The following PLEKHG1 variants were observed in gnomAD, a reference collection of about 807,000 sequenced individuals.
PLEKHG1 encodes pleckstrin homology and RhoGEF domain containing G1.
A neutral mutation model predicts 100.8 loss-of-function variants in PLEKHG1; 44 were observed. The observed-to-expected ratio is 0.44, with a 90% CI of 0.34 to 0.56. The LOEUF is 0.56. Ranked by LOEUF, PLEKHG1 falls within the 20% of genes least tolerant of loss-of-function variation. PLEKHG1 has a pLI of 0.01. For synonymous variants in PLEKHG1, 640 were observed against 662.5 expected, an observed-to-expected ratio of 0.97 and a Z score of 0.52; for missense variants, 1,545 against 1,720.9, an observed-to-expected ratio of 0.90 and a Z score of 1.81.
At chr6:150,757,035 G>C (rs558862716) in intron 2 of PLEKHG1, among the ~76,000 whole-genome samples, 85 of 152,288 alleles carry the variant, frequency 5.6e-4, no homozygotes, top group African/African-American at 2.0e-3. Flanking sequence ...TTAAGATGGA[G>C]TCTCGCTCTG....
chr6:150,695,695 C>T (rs1780516143), intron 3 of PLEKHG1, among the ~76,000 whole-genome samples: 1 of 152,172 alleles, frequency 6.6e-6, no homozygotes, highest in African/African-American at 2.4e-5. Flanking sequence ...CAAATATGCA[C>T]ACCAAAAAAG....
chr6:150,673,078 A>G (rs904219162), intron 3 of PLEKHG1, among the ~76,000 whole-genome samples: 3 of 152,306 alleles, frequency 2.0e-5, no homozygotes, highest in Admixed American at 2.0e-4. Context: ...AAGCAAGACT[A>G]TTTGATGTTC....
At chr6:150,730,396 C>T (rs1782185298) in intron 1 of PLEKHG1, among the ~76,000 whole-genome samples, 1 of 152,048 alleles carries the variant, frequency 6.6e-6, no homozygotes, top group African/African-American at 2.4e-5. Flanking sequence ...CTCGGATCAT[C>T]AGGAATTAGA....
intron 2 of PLEKHG1, among the ~76,000 whole-genome samples, chr6:150,734,785 G>T (rs1415779467): frequency 2.0e-5 from 3 of 152,102 alleles, no homozygotes; most frequent in South Asian, 2.1e-4. Context: ...TTATTATTAT[G>T]ATTATAAATT....
chr6:150,700,616 G>A (rs78572981), intron 3 of PLEKHG1, among the ~76,000 whole-genome samples: 8 of 152,194 alleles, frequency 5.3e-5, no homozygotes, highest in African/African-American at 1.9e-4. Context: ...CTGTACATCT[G>A]TGATATAAAC....
intron 2 of PLEKHG1, among the ~76,000 whole-genome samples, chr6:150,647,462 G>A (rs1480343148): frequency 6.6e-6 from 1 of 152,104 alleles, no homozygotes. Flanking sequence ...AATCAACCCT[G>A]ACATTTTATT....
At chr6:150,762,094 G>C (rs968136964) in intron 2 of PLEKHG1, among the ~76,000 whole-genome samples, 5 of 152,148 alleles carry the variant, frequency 3.3e-5, no homozygotes, top group Non-Finnish European at 7.4e-5. Flanking sequence ...CTTTTACTCA[G>C]GCATCTCAGA....
chr6:150,746,103 A>G (rs1248552567), intron 2 of PLEKHG1, among the ~76,000 whole-genome samples: 1 of 152,162 alleles, frequency 6.6e-6, no homozygotes, highest in East Asian at 1.9e-4. Flanking sequence ...TGAATGGGCC[A>G]GGTTCCAAAT....
At chr6:150,606,587 C>T (rs562089786) in intron 1 of PLEKHG1, among the ~76,000 whole-genome samples, 2 of 152,292 alleles carry the variant, frequency 1.3e-5, no homozygotes, top group East Asian at 3.9e-4. Flanking sequence ...TCTGACCACC[C>T]TCTAAACTTG....
At chr6:150,796,640 C>T (rs1786349925) in intron 5 of PLEKHG1, among the ~76,000 whole-genome samples, 3 of 152,146 alleles carry the variant, frequency 2.0e-5, no homozygotes, top group Admixed American at 1.3e-4. Context: ...CTTTTCAAAG[C>T]AATCCAGAGA....
At chr6:150,804,832 C>G in intron 7 of PLEKHG1, 91 bp downstream of exon 8, 1 of 1,166,372 alleles carries the variant, frequency 8.6e-7, no homozygotes, top group Non-Finnish European at 1.2e-6. Context: ...TCAAGTACTG[C>G]ACTACACTCA....
chr6:150,731,396 G>A (rs577847889), intron 1 of PLEKHG1, among the ~76,000 whole-genome samples: 2 of 152,216 alleles, frequency 1.3e-5, no homozygotes, highest in South Asian at 2.1e-4. Context: ...TTCTTGACTC[G>A]GAATTAGTTC....
intron 1 of PLEKHG1, among the ~76,000 whole-genome samples, chr6:150,610,681 A>G (rs377583985): frequency 6.6e-6 from 1 of 152,246 alleles, no homozygotes; most frequent in East Asian, 1.9e-4. Flanking sequence ...AGAGCAATCC[A>G]ACAGAGCCCT....
chr6:150,809,731 T>C, exon 10 of PLEKHG1: 1 of 1,609,986 alleles, frequency 6.2e-7, no homozygotes, highest in Non-Finnish European at 8.5e-7. Flanking sequence ...AGATTCCAGC[T>C]AAGGTAGGAC....
chr6:150,795,766 G>A (rs952659232), intron 4 of PLEKHG1, 90 bp from the exon 6 acceptor site: 7 of 715,306 alleles, frequency 9.8e-6, no homozygotes, highest in Non-Finnish European at 1.7e-5. Context: ...TAAATGTCAA[G>A]GCCCGAATGC....
chr6:150,726,352 A>G (rs1328351491), intron 1 of PLEKHG1, among the ~76,000 whole-genome samples: 1 of 152,238 alleles, frequency 6.6e-6, no homozygotes, highest in Non-Finnish European at 1.5e-5. Context: ...GATTGTGGTG[A>G]TAGTTTCACA....
At chr6:150,617,734 C>T (rs1326449507) in intron 1 of PLEKHG1, among the ~76,000 whole-genome samples, 1 of 152,194 alleles carries the variant, frequency 6.6e-6, no homozygotes. Flanking sequence ...GGCAAGAGAG[C>T]CTTCACCAGG....
At chr6:150,602,277 A>C (rs1317951712) in intron 1 of PLEKHG1, among the ~76,000 whole-genome samples, 3 of 152,136 alleles carry the variant, frequency 2.0e-5, no homozygotes, top group South Asian at 4.1e-4. Flanking sequence ...TGGTCTTTCA[A>C]GCAGTTGTCA....
chr6:150,674,291 A>G lies in PLEKHG1; in HGVS notation c.-99+23505A>G, dbSNP rs190986526. Among the ~76,000 whole-genome samples, 3 of 129,536 alleles carry G rather than the reference A, an allele frequency of 2.3e-5. No homozygotes were observed. In the East Asian group the frequency reaches 6.2e-4, roughly 27 times the overall value. The allele number at this position is 129,536 out of a possible 152,430, so 85.0% of individuals were successfully genotyped here. A position where few individuals can be genotyped will look rare whatever the true frequency, so the allele number is the denominator to read the frequency against. ...GGAAAAAAAAAATGAACAAGCGTTG[A>G]AAAAGGTTTTTATTGTTAACTCTAA... is the stretch of plus-strand genomic sequence containing the variant. On this transcript the variant is annotated intron_variant, in intron 3 of 3. Transcript: ENST00000367326.
Sources: gnomAD v4.1 joint callset for allele counts (sites outside exome capture counted in the v4.1 genomes callset) on GRCh38, gnomAD v4.1.1 for gene constraint, MANE v1.5 for transcripts, NCBI Gene and HGNC (gene_info 2026-07-23, HGNC 2026-07-21) for gene names.